The following PDE4D variants were observed in gnomAD, a reference collection of about 807,000 sequenced individuals.
PDE4D encodes 3',5'-cyclic-AMP phosphodiesterase 4D.
Under a neutral mutation model 87.4 loss-of-function variants are expected in PDE4D, and 24 were observed. The ratio of observed to expected loss-of-function variants is 0.27; its 90% CI spans 0.20 to 0.39. The LOEUF is 0.39. Among genes scored for constraint, PDE4D ranks in the 10% least tolerant of loss-of-function variants. PDE4D has a pLI of 1.00. For missense variants in PDE4D, 714 were observed against 1,041.0 expected (o/e 0.69, Z 4.32); for synonymous variants, 384 against 383.2 (o/e 1.00, Z -0.02).
At chr5:59,884,526 T>C (rs1158251720) in intron 1 of PDE4D, among the ~76,000 whole-genome samples, 1 of 152,030 alleles carries the variant, frequency 6.6e-6, no homozygotes, top group African/African-American at 2.4e-5. Flanking sequence ...AGATATATCA[T>C]CATTTATTTT....
intron 2 of PDE4D, among the ~76,000 whole-genome samples, chr5:59,203,897 C>A (rs966895601): frequency 6.6e-6 from 1 of 151,996 alleles, no homozygotes. Flanking sequence ...TGAAAGGGTA[C>A]AAAGTTTCAG....
intron 1 of PDE4D, among the ~76,000 whole-genome samples, chr5:59,402,617 TC>T (rs71287169): frequency 8.9e-6 from 1 of 112,310 alleles, no homozygotes; most frequent in Admixed American, 8.8e-5. Flanking sequence ...ATCATGATAA[TC>T]AACACAGGAC....
intron 1 of PDE4D, among the ~76,000 whole-genome samples, chr5:59,492,712 G>T (rs752827110): frequency 6.6e-6 from 1 of 151,416 alleles, no homozygotes; most frequent in Non-Finnish European, 1.5e-5. Flanking sequence ...ATATGTTTAG[G>T]CTGTGTCCCC....
chr5:59,275,464 T>C, intron 1 of PDE4D: 1 of 1,564,366 alleles, frequency 6.4e-7, no homozygotes, highest in Non-Finnish European at 8.6e-7. Flanking sequence ...ATTCTAACTG[T>C]CTTTCTGCAA....
chr5:60,388,538 A>C (rs994546381), intron 1 of PDE4D, among the ~76,000 whole-genome samples: 1 of 152,054 alleles, frequency 6.6e-6, no homozygotes, highest in Non-Finnish European at 1.5e-5. Context: ...CTCTGTGTCC[A>C]TGTGTTCTCA....
chr5:59,297,042 A>C (rs1182303862), intron 1 of PDE4D, among the ~76,000 whole-genome samples: 1 of 152,172 alleles, frequency 6.6e-6, no homozygotes, highest in Non-Finnish European at 1.5e-5. Context: ...TAGGTGACTT[A>C]ACCCTTCAGA....
At chr5:59,830,450 T>C (rs1741012195) in intron 1 of PDE4D, among the ~76,000 whole-genome samples, 1 of 152,104 alleles carries the variant, frequency 6.6e-6, no homozygotes, top group Non-Finnish European at 1.5e-5. Flanking sequence ...AATAAATTTA[T>C]TCATTCCAAA....
intron 2 of PDE4D, among the ~76,000 whole-genome samples, chr5:60,153,105 A>G (rs1296994559): frequency 6.6e-6 from 1 of 152,218 alleles, no homozygotes; most frequent in Non-Finnish European, 1.5e-5. Context: ...GGAATAGGAG[A>G]AAGTATTTGC....
chr5:59,960,042 T>C (rs1759292497), intron 3 of PDE4D, among the ~76,000 whole-genome samples: 1 of 152,058 alleles, frequency 6.6e-6, no homozygotes, highest in African/African-American at 2.4e-5. Flanking sequence ...GAAAAGGTCA[T>C]GAACAGACAC....
intron 2 of PDE4D, among the ~76,000 whole-genome samples, chr5:59,213,495 C>T (rs1233855762): frequency 6.6e-6 from 1 of 152,006 alleles, no homozygotes; most frequent in Non-Finnish European, 1.5e-5. Flanking sequence ...ATCTTTAAAC[C>T]CTCTTTCCCC....
At chr5:59,886,158 C>T (rs159613) in intron 1 of PDE4D, among the ~76,000 whole-genome samples, 99,860 of 152,194 alleles carry the variant, frequency 0.66, 34,559 homozygotes, top group African/African-American at 0.86. Context: ...AAGGTCCTAA[C>T]ATACCTAATG....
intron 1 of PDE4D, among the ~76,000 whole-genome samples, chr5:59,516,504 G>A (rs947405975): frequency 1.3e-5 from 2 of 152,112 alleles, no homozygotes; most frequent in Non-Finnish European, 2.9e-5. Context: ...TATTGCTCTA[G>A]AAGAAAACGC....
At chr5:60,354,015 G>C (rs1294110126) in intron 1 of PDE4D, among the ~76,000 whole-genome samples, 1 of 152,084 alleles carries the variant, frequency 6.6e-6, no homozygotes, top group African/African-American at 2.4e-5. Context: ...TTTATAAAAA[G>C]ATATATACTC....
chr5:59,024,033 CTGAGA>C (rs1755742439), intron 6 of PDE4D, among the ~76,000 whole-genome samples: 3 of 150,900 alleles, frequency 2.0e-5, no homozygotes, highest in African/African-American at 2.4e-5. Context: ...TCCCGAGTAG[CTGAGA>C]TAACAGACAT....
chr5:59,316,544 C>T (rs1773780208), intron 1 of PDE4D, among the ~76,000 whole-genome samples: 1 of 152,036 alleles, frequency 6.6e-6, no homozygotes. Flanking sequence ...TTCCATCTTG[C>T]TGTTGATTTA....
chr5:59,716,503 G>A (rs1208693230), intron 1 of PDE4D, among the ~76,000 whole-genome samples: 1 of 152,178 alleles, frequency 6.6e-6, no homozygotes, highest in Non-Finnish European at 1.5e-5. Flanking sequence ...CAGTAAACTA[G>A]TATAGCCATT....
At chr5:60,500,321 AAAG>A (rs1422461381) in intron 1 of PDE4D, among the ~76,000 whole-genome samples, 3 of 152,120 alleles carry the variant, frequency 2.0e-5, no homozygotes, top group Non-Finnish European at 4.4e-5. Flanking sequence ...TAAAAATAAA[AAAG>A]AAGAAGAAGG....
intron 1 of PDE4D, among the ~76,000 whole-genome samples, chr5:59,719,364 A>G (rs564207125): frequency 6.6e-6 from 1 of 152,308 alleles, no homozygotes; most frequent in East Asian, 1.9e-4. Context: ...CACGACACAG[A>G]TACGATGGAC....
chr5:60,289,886 T>TGACTATAGACGAGCAGAGAATTAATGG, intron 1 of PDE4D, among the ~76,000 whole-genome samples: 1 of 152,208 alleles, frequency 6.6e-6, no homozygotes, highest in African/African-American at 2.4e-5. Flanking sequence ...GACACTGCAA[T>TGACTATAGACGAGCAGAGAATTAATGG]TTTGACAGCG....
Sources: allele counts gnomAD v4.1 joint callset (sites outside exome capture counted in the v4.1 genomes callset), GRCh38; gene constraint gnomAD v4.1.1; transcripts MANE v1.5; gene names NCBI Gene and HGNC (gene_info 2026-07-23, HGNC 2026-07-21).